TAFA1: variants seen among roughly 807,000 people sequenced by gnomAD.
TAFA1 encodes chemokine-like protein TAFA-1.
In TAFA1, 4 loss-of-function variants were observed where a neutral mutation model predicts 18.5. The ratio of observed to expected loss-of-function variants is 0.22; its 90% confidence interval spans 0.11 to 0.49. The LOEUF (loss-of-function observed/expected upper bound fraction) is 0.49, where lower values mean the gene tolerates loss of function less well. TAFA1 is among the 20% of genes least tolerant of loss of function. The pLI is 0.98. For missense variants in TAFA1, 147 were observed against 169.0 expected, an observed-to-expected ratio of 0.87 and a Z score of 0.72; for synonymous variants, 56 against 55.2, an observed-to-expected ratio of 1.01 and a Z score of -0.06.
At chr3:68,389,455 A>C (rs921745849) in intron 2 of TAFA1, among the ~76,000 whole-genome samples, 7 of 152,340 alleles carry the variant, frequency 4.6e-5, no homozygotes, top group Non-Finnish European at 8.8e-5. Flanking sequence ...AAGAATATCA[A>C]TAGAAGAGAT....
chr3:68,536,660 TAG>T (rs1419901050), intron 3 of TAFA1, among the ~76,000 whole-genome samples: 2 of 152,230 alleles, frequency 1.3e-5, no homozygotes, highest in Non-Finnish European at 2.9e-5. Context: ...AAGGGAAATA[TAG>T]AGTTTCTTGA....
chr3:68,504,599 C>T (rs1206376292), intron 3 of TAFA1, among the ~76,000 whole-genome samples: 1 of 152,154 alleles, frequency 6.6e-6, no homozygotes, highest in Non-Finnish European at 1.5e-5. Context: ...TATCAAGTGT[C>T]CTCATATCTG....
intron 2 of TAFA1, among the ~76,000 whole-genome samples, chr3:68,278,104 T>C (rs1327040815): frequency 6.6e-6 from 1 of 152,152 alleles, no homozygotes; most frequent in Non-Finnish European, 1.5e-5. Flanking sequence ...TGTTTAAACA[T>C]TCTAATGGGT....
At chr3:68,182,141 C>A (rs2066210556) in intron 2 of TAFA1, among the ~76,000 whole-genome samples, 2 of 152,226 alleles carry the variant, frequency 1.3e-5, no homozygotes, top group Non-Finnish European at 2.9e-5. Context: ...CCCAGGAGGT[C>A]AAGGCTGCAG....
chr3:68,401,790 G>T (rs1182358356), intron 2 of TAFA1, among the ~76,000 whole-genome samples: 2 of 152,060 alleles, frequency 1.3e-5, no homozygotes. Context: ...TGGAGCAGGG[G>T]GTGAAATCAG....
At chr3:68,053,827 C>T (rs1274617723) in intron 2 of TAFA1, among the ~76,000 whole-genome samples, 4 of 152,122 alleles carry the variant, frequency 2.6e-5, no homozygotes, top group Non-Finnish European at 4.4e-5. Flanking sequence ...CCTCAGCCTC[C>T]CAAGTAGCTC....
At chr3:68,526,132 T>A (rs947639156) in intron 3 of TAFA1, among the ~76,000 whole-genome samples, 1 of 152,186 alleles carries the variant, frequency 6.6e-6, no homozygotes, top group South Asian at 2.1e-4. Context: ...TGAAGTGGCC[T>A]AAGAGGTTTT....
chr3:68,157,379 C>T (rs1356054086), intron 2 of TAFA1, among the ~76,000 whole-genome samples: 1 of 152,210 alleles, frequency 6.6e-6, no homozygotes, highest in East Asian at 1.9e-4. Context: ...CTATCAAGAA[C>T]ATCTGATAAG....
At chr3:68,490,574 C>A (rs959526843) in intron 3 of TAFA1, among the ~76,000 whole-genome samples, 2 of 152,008 alleles carry the variant, frequency 1.3e-5, no homozygotes, top group African/African-American at 2.4e-5. Flanking sequence ...CAGAGTGAAA[C>A]TAAAACTTTC....
intron 2 of TAFA1, among the ~76,000 whole-genome samples, chr3:68,252,505 C>G (rs532641710): frequency 1.3e-5 from 2 of 152,256 alleles, no homozygotes; most frequent in Admixed American, 1.3e-4. Context: ...TAGTGGCTGC[C>G]CATTTTGGAT....
intron 2 of TAFA1, among the ~76,000 whole-genome samples, chr3:68,251,482 G>T (rs962026812): frequency 2.0e-5 from 3 of 152,204 alleles, no homozygotes; most frequent in African/African-American, 7.2e-5. Flanking sequence ...CAGCCTAGGT[G>T]CTATGGATAT....
intron 2 of TAFA1, among the ~76,000 whole-genome samples, chr3:68,396,607 T>A (rs1375067566): frequency 6.6e-6 from 1 of 152,208 alleles, no homozygotes; most frequent in Non-Finnish European, 1.5e-5. Flanking sequence ...AATTTAGTTT[T>A]GCTATTGATA....
intron 3 of TAFA1, among the ~76,000 whole-genome samples, chr3:68,449,534 G>T (rs1575877359): frequency 6.6e-6 from 1 of 152,122 alleles, no homozygotes; most frequent in Non-Finnish European, 1.5e-5. Context: ...ATTTACATAT[G>T]TGTTGGCCCA....
At chr3:68,214,709 A>G (rs1305142512) in intron 2 of TAFA1, among the ~76,000 whole-genome samples, 1 of 152,112 alleles carries the variant, frequency 6.6e-6, no homozygotes, top group Non-Finnish European at 1.5e-5. Context: ...GTCTAACACA[A>G]AGAGCTCACA....
Position 68,537,828 on chromosome 3 carries a change from G to A in TAFA1, c.260-928G>A, listed in dbSNP as rs139099579. 4.8e-3 allele frequency among the ~76,000 whole-genome samples: 736 copies of A among 152,238 alleles called. 9 individuals are homozygous for A. The highest frequency in any genetic ancestry group is 0.016 in the African/African-American group (684 of 41,534). ...AAAAAGATTGTTTTAATTGCCTGTG[G>A]GTTCTTCCTGTCCACTGTACAGACA... is the stretch of plus-strand genomic sequence containing the variant. On this transcript the variant is annotated intron_variant, in intron 3 of 4. Coordinates refer to ENST00000478136, the MANE Select transcript of TAFA1 (RefSeq NM_213609.4).
intron 3 of TAFA1, among the ~76,000 whole-genome samples, chr3:68,456,608 C>G (rs1242714281): frequency 6.6e-6 from 1 of 152,160 alleles, no homozygotes; most frequent in Non-Finnish European, 1.5e-5. Context: ...TTTACGCTGT[C>G]AGGTAATGAC....
At chr3:68,137,790 G>A (rs986128934) in intron 2 of TAFA1, among the ~76,000 whole-genome samples, 1 of 152,134 alleles carries the variant, frequency 6.6e-6, no homozygotes, top group Non-Finnish European at 1.5e-5. Flanking sequence ...CGTCTGGCTG[G>A]CACTTAAACT....
intron 2 of TAFA1, among the ~76,000 whole-genome samples, chr3:68,185,967 C>T (rs2066265630): frequency 1.3e-5 from 2 of 151,938 alleles, no homozygotes; most frequent in Admixed American, 1.3e-4. Flanking sequence ...AATCCTAACT[C>T]AATGTTGATT....
At chr3:68,229,484 A>G (rs2066844392) in intron 2 of TAFA1, among the ~76,000 whole-genome samples, 1 of 152,250 alleles carries the variant, frequency 6.6e-6, no homozygotes, top group South Asian at 2.1e-4. Context: ...TAATCAAAGT[A>G]GTAGCACAAG....
Sources: gnomAD v4.1 joint callset for allele counts (sites outside exome capture counted in the v4.1 genomes callset) on GRCh38, gnomAD v4.1.1 for gene constraint, MANE v1.5 for transcripts, NCBI Gene and HGNC (gene_info 2026-07-23, HGNC 2026-07-21) for gene names.